Variants in ZNF678 observed in about 807,000 individuals in gnomAD.
ZNF678 encodes hypothetical protein MGC42493.
ZNF678 carries 5 observed loss-of-function variants against 3.0 expected under a neutral mutation model. The ratio of observed to expected loss-of-function variants is 1.69; its 90% CI spans 0.88 to 3.56. The LOEUF (loss-of-function observed/expected upper bound fraction) is 3.56. Among genes scored for constraint, ZNF678 ranks in the 30% most tolerant of loss-of-function variants. The pLI is 0.00. For missense variants in ZNF678, 593 were observed against 605.0 expected (o/e 0.98, Z 0.21); for synonymous variants, 218 against 199.6 (o/e 1.09, Z -0.78).
At chr1:227,648,894 TC>T (rs765880465) in intron 2 of ZNF678, among the ~76,000 whole-genome samples, 1 of 152,110 alleles carries the variant, frequency 6.6e-6, no homozygotes, top group East Asian at 1.9e-4. Flanking sequence ...TCCTGCCAAC[TC>T]CCTCTGTACT....
Position 227,661,140 on chromosome 1 carries a change from T to G in ZNF678, c.*5312T>G, listed in dbSNP as rs1374456548. The stretch of plus-strand genomic sequence containing the variant: ...TTGAGGCCCAGAAACTTTCAACTGC[T>G]TTGTTCGTTGAATAATGCCAAGTGT... On this transcript the variant is annotated 3_prime_UTR_variant, in exon 4 of 4. Transcript: ENST00000343776. 1 of 152,228 alleles carries G rather than the reference T, an allele frequency of 6.6e-6. No homozygotes were observed. Among genetic ancestry groups the G allele is most frequent in the African/African-American group, 2.4e-5 (1 of 41,444 alleles). The allele number at this position is 152,228 out of a possible 1,614,324, so 9.4% of individuals were successfully genotyped here. A position where few individuals can be genotyped will look rare whatever the true frequency, so the allele number is the denominator to read the frequency against.
intron 1 of ZNF678, among the ~76,000 whole-genome samples, chr1:227,645,247 G>C (rs764447251): frequency 6.6e-6 from 1 of 152,190 alleles, no homozygotes; most frequent in Non-Finnish European, 1.5e-5. Flanking sequence ...ATATTCTCAA[G>C]ATGTGTGATT....
chr1:227,584,486 C>T (rs1367019231), intron 1 of ZNF678, among the ~76,000 whole-genome samples: 1 of 152,206 alleles, frequency 6.6e-6, no homozygotes, highest in Non-Finnish European at 1.5e-5. Context: ...CTATCTCCAG[C>T]TAAGGCTGAT....
intron 1 of ZNF678, among the ~76,000 whole-genome samples, chr1:227,632,130 G>C (rs2102781661): frequency 6.6e-6 from 1 of 152,290 alleles, no homozygotes; most frequent in Non-Finnish European, 1.5e-5. Flanking sequence ...GGTGGGGAAT[G>C]GGTCCCACAT....
chr1:227,677,221 G>A (rs1659701154), exon 6 of ZNF678: 1 of 152,168 alleles, frequency 6.6e-6, no homozygotes, highest in African/African-American at 2.4e-5. Flanking sequence ...TTGAGTTCAT[G>A]GTTCACCACT....
intron 1 of ZNF678, among the ~76,000 whole-genome samples, chr1:227,580,597 T>A (rs889370377): frequency 6.6e-6 from 1 of 152,132 alleles, no homozygotes; most frequent in African/African-American, 2.4e-5. Context: ...TGAAAGTACA[T>A]GATAATTTAT....
chr1:227,605,435 A>G (rs946223881), intron 1 of ZNF678, among the ~76,000 whole-genome samples: 12 of 152,218 alleles, frequency 7.9e-5, no homozygotes, highest in African/African-American at 2.4e-4. Flanking sequence ...ATCTTTTCGT[A>G]TATGACTTTT....
intron 2 of ZNF678, among the ~76,000 whole-genome samples, chr1:227,648,831 C>CAA (rs113778019): frequency 5.4e-5 from 8 of 148,840 alleles, no homozygotes; most frequent in South Asian, 2.1e-4. Flanking sequence ...GACTCCATCC[C>CAA]AAAAAAAAAC....
At chr1:227,593,867 CTTT>C (rs1357304195) in intron 1 of ZNF678, among the ~76,000 whole-genome samples, 2 of 33,626 alleles carry the variant, frequency 5.9e-5, no homozygotes, top group African/African-American at 4.0e-4. Flanking sequence ...CCCCCCCCCC[CTTT>C]TTTTTTTTTT....
intron 1 of ZNF678, among the ~76,000 whole-genome samples, chr1:227,627,771 T>G (rs1471802230): frequency 6.6e-6 from 1 of 152,174 alleles, no homozygotes; most frequent in Non-Finnish European, 1.5e-5. Context: ...GGGGATTACT[T>G]TCAAGTATTC....
intron 1 of ZNF678, among the ~76,000 whole-genome samples, chr1:227,644,476 T>C (rs1049958736): frequency 6.6e-5 from 10 of 152,186 alleles, no homozygotes; most frequent in Admixed American, 1.3e-4. Flanking sequence ...TTCAGAATTG[T>C]GATTGGTGGT....
intron 1 of ZNF678, among the ~76,000 whole-genome samples, chr1:227,588,506 CTTT>C (rs747086047): frequency 4.4e-5 from 6 of 135,918 alleles, no homozygotes; most frequent in African/African-American, 1.1e-4. Flanking sequence ...GTTTTTTTTA[CTTT>C]TTTTTTTTGG....
At chr1:227,639,979 T>C (rs2102790051) in intron 1 of ZNF678, among the ~76,000 whole-genome samples, 1 of 152,288 alleles carries the variant, frequency 6.6e-6, no homozygotes, top group East Asian at 1.9e-4. Context: ...ACTCTAACAA[T>C]ATCTTTGGTT....
At chr1:227,575,165 G>C (rs892623214) in intron 1 of ZNF678, among the ~76,000 whole-genome samples, 6 of 152,192 alleles carry the variant, frequency 3.9e-5, no homozygotes, top group African/African-American at 1.4e-4. Flanking sequence ...ATAGTTTGAA[G>C]TTGGGTAGCA....
At position 227,577,778 on chromosome 1, in the gene ZNF678, A is replaced by G. The variant is rs138673478; in HGVS notation, c.-164+14054A>G. 3.3e-4 allele frequency among the ~76,000 whole-genome samples: 50 copies of G among 152,260 alleles called. No homozygotes were observed. In the East Asian group the frequency reaches 8.9e-3, roughly 27 times the overall value. On this transcript the variant is annotated intron_variant, in intron 1 of 3. Transcript: ENST00000343776. ...AATGTATGGTTTTGATCCTGCCATC[A>G]TGATGGTAGCTGTTTATTTTGCAGA...
At chr1:227,652,820 ATTT>A (rs1659122162) in intron 3 of ZNF678, among the ~76,000 whole-genome samples, 1 of 152,068 alleles carries the variant, frequency 6.6e-6, no homozygotes, top group Non-Finnish European at 1.5e-5. Context: ...AAACTACAGA[ATTT>A]TATTTTTGTA....
chr1:227,639,336 T>G (rs1658759992), intron 1 of ZNF678, among the ~76,000 whole-genome samples: 1 of 152,348 alleles, frequency 6.6e-6, no homozygotes, highest in East Asian at 1.9e-4. Context: ...TTTGAAACTC[T>G]GCCTGTTTTT....
chr1:227,600,252 A>G (rs1198032144), intron 1 of ZNF678, among the ~76,000 whole-genome samples: 1 of 152,188 alleles, frequency 6.6e-6, no homozygotes, highest in East Asian at 1.9e-4. Context: ...GCTATTGTAA[A>G]TAGTGCTGCA....
At chr1:227,585,326 T>C (rs1657230329) in intron 1 of ZNF678, among the ~76,000 whole-genome samples, 1 of 152,156 alleles carries the variant, frequency 6.6e-6, no homozygotes, top group Admixed American at 6.6e-5. Flanking sequence ...TTGGGTAAAT[T>C]TAGTCCCAAT....
Sources: gnomAD v4.1 joint callset for allele counts (sites outside exome capture counted in the v4.1 genomes callset) on GRCh38, gnomAD v4.1.1 for gene constraint, MANE v1.5 for transcripts, NCBI Gene and HGNC (gene_info 2026-07-23, HGNC 2026-07-21) for gene names.